The following WDFY2 variants were observed in gnomAD, a reference collection of about 807,000 sequenced individuals.
WDFY2 encodes the protein WD repeat and FYVE domain-containing protein 2.
WDFY2 carries 36 observed loss-of-function variants against 56.4 expected under a neutral mutation model. That is an observed-to-expected ratio of 0.64 (90% confidence interval 0.49 to 0.84). WDFY2 has a LOEUF of 0.84. Among genes scored for constraint, WDFY2 ranks in the 40% least tolerant of loss-of-function variants. The pLI is 0.00. For synonymous variants in WDFY2, 176 were observed against 183.7 expected (o/e 0.96, Z 0.34); for missense variants, 444 against 512.2 (o/e 0.87, Z 1.29).
intron 2 of WDFY2, among the ~76,000 whole-genome samples, chr13:51,670,617 C>G (rs116296731): frequency 6.6e-6 from 1 of 151,964 alleles, no homozygotes; most frequent in Non-Finnish European, 1.5e-5. Context: ...CTAATGCTGT[C>G]TAACTCTGAC....
At chr13:51,686,623 G>A (rs1277492552) in intron 3 of WDFY2, among the ~76,000 whole-genome samples, 9 of 151,928 alleles carry the variant, frequency 5.9e-5, no homozygotes, top group Non-Finnish European at 1.0e-4. Flanking sequence ...ATTTTTGTTT[G>A]AATAATGTTC....
chr13:51,690,185 T>TAC (rs1593415981), intron 3 of WDFY2, among the ~76,000 whole-genome samples: 1 of 2,522 alleles, frequency 4.0e-4, no homozygotes, highest in East Asian at 0.5. Flanking sequence ...TTTAGATCAT[T>TAC]ATATATATAT....
chr13:51,722,381 TTA>T (rs1952510877), intron 5 of WDFY2, among the ~76,000 whole-genome samples: 1 of 152,104 alleles, frequency 6.6e-6, no homozygotes, highest in Non-Finnish European at 1.5e-5. Flanking sequence ...ATAAATTGAA[TTA>T]TCAATTTATG....
chr13:51,676,532 C>T (rs1382512811), intron 3 of WDFY2, among the ~76,000 whole-genome samples: 3 of 152,116 alleles, frequency 2.0e-5, no homozygotes, highest in African/African-American at 7.2e-5. Flanking sequence ...GGAATGTGGG[C>T]CTCCATTTGT....
intron 4 of WDFY2, among the ~76,000 whole-genome samples, chr13:51,711,237 T>G (rs1952208600): frequency 6.6e-6 from 1 of 152,256 alleles, no homozygotes; most frequent in Non-Finnish European, 1.5e-5. Flanking sequence ...GCTAGCCATA[T>G]GTAGAAAACT....
rs149668641 is a variant in WDFY2 at position 51,659,972 on chromosome 13, A to G, written c.138-624A>G. 8.7e-3 allele frequency among the ~76,000 whole-genome samples: 1,324 copies of G among 152,350 alleles called. 21 individuals carry two copies. Among genetic ancestry groups the G allele is most frequent in the African/African-American group, 0.03 (1,263 of 41,574 alleles). On this transcript the variant is annotated intron_variant, in intron 1 of 11. Transcript: ENST00000298125. The stretch of plus-strand genomic sequence containing the variant: ...TGAATGCTTCTAGCCGTCAAGGGCA[A>G]AGGTCAGATGCTTGGAAAGGCAAAA...
At chr13:51,686,292 G>T (rs1956062155) in intron 3 of WDFY2, among the ~76,000 whole-genome samples, 1 of 152,118 alleles carries the variant, frequency 6.6e-6, no homozygotes, top group Non-Finnish European at 1.5e-5. Context: ...TCATGGGGTT[G>T]CTGTGAGGAT....
At chr13:51,692,101 A>G (rs1322180420) in intron 3 of WDFY2, among the ~76,000 whole-genome samples, 4 of 152,150 alleles carry the variant, frequency 2.6e-5, no homozygotes, top group African/African-American at 7.2e-5. Context: ...GGGCTGAGAC[A>G]ATGGGGTTTT....
At chr13:51,645,367 A>C (rs868665104) in intron 1 of WDFY2, among the ~76,000 whole-genome samples, 13 of 152,098 alleles carry the variant, frequency 8.5e-5, no homozygotes, top group Non-Finnish European at 1.3e-4. Context: ...CAAAAATAAC[A>C]ATTGTCCCCT....
At chr13:51,643,267 G>C (rs915166773) in intron 1 of WDFY2, among the ~76,000 whole-genome samples, 4 of 152,072 alleles carry the variant, frequency 2.6e-5, no homozygotes, top group African/African-American at 9.7e-5. Flanking sequence ...AGGATCTGCT[G>C]CATTTTTAAG....
At chr13:51,591,480 T>C (rs576002922) in intron 1 of WDFY2, 41 of 152,352 alleles carry the variant, frequency 2.7e-4, no homozygotes, top group African/African-American at 9.6e-4. Flanking sequence ...TCTAGATTAA[T>C]GCTTTGGAAA....
intron 10 of WDFY2, 29 bp from the exon 11 acceptor site, chr13:51,758,163 C>T (rs751731978): frequency 1.3e-6 from 2 of 1,516,320 alleles, no homozygotes; most frequent in South Asian, 1.2e-5. Context: ...CCACCTTTTC[C>T]CCTCAGAAGC....
At chr13:51,734,372 A>G (rs1170745450) in intron 6 of WDFY2, among the ~76,000 whole-genome samples, 1 of 152,236 alleles carries the variant, frequency 6.6e-6, no homozygotes, top group Non-Finnish European at 1.5e-5. Context: ...AAAAATATTC[A>G]TCTTAGAAAA....
chr13:51,756,262 G>C, intron 9 of WDFY2, 70 bp from the exon 10 acceptor site: 1 of 1,548,918 alleles, frequency 6.5e-7, no homozygotes, highest in Non-Finnish European at 8.7e-7. Flanking sequence ...TCTGCCAGGA[G>C]GGGTGAGATG....
At chr13:51,667,879 CTTTTTTTTTTTTTTT>C (rs66771214) in intron 2 of WDFY2, among the ~76,000 whole-genome samples, 11 of 50,048 alleles carry the variant, frequency 2.2e-4, no homozygotes, top group East Asian at 5.7e-4. Context: ...TGAGGAACTT[CTTTTTTTTTTTTTTT>C]TTTTTTTTTT....
intron 3 of WDFY2, among the ~76,000 whole-genome samples, chr13:51,699,123 C>T (rs1054260356): frequency 6.6e-6 from 1 of 152,220 alleles, no homozygotes; most frequent in African/African-American, 2.4e-5. Flanking sequence ...TTCTGAATTA[C>T]ATGAAGCACA....
chr13:51,695,296 T>C (rs993924554), intron 3 of WDFY2, among the ~76,000 whole-genome samples: 1 of 152,204 alleles, frequency 6.6e-6, no homozygotes, highest in African/African-American at 2.4e-5. Flanking sequence ...CTCTGTTTTT[T>C]CCCCATCTTT....
rs773732419 is a variant in WDFY2 at position 51,687,651 on chromosome 13, A to G, written c.279+12408A>G. On this transcript the variant is annotated intron_variant, in intron 3 of 11. Transcript: ENST00000298125. ...AAGGAGTATTATTTCTTTATTTTTC[A>G]TATTTATTGATTACCTCTCATATAT... Among the ~76,000 whole-genome samples the G allele has an allele frequency of 1.1e-3, 163 of 152,084 alleles. 4 individuals are homozygous for G. Among genetic ancestry groups the G allele is most frequent in the Non-Finnish European group, 3.5e-4 (24 of 67,964 alleles).
At chr13:51,695,675 C>A (rs1281735693) in intron 3 of WDFY2, among the ~76,000 whole-genome samples, 2 of 152,250 alleles carry the variant, frequency 1.3e-5, no homozygotes, top group Non-Finnish European at 2.9e-5. Context: ...GTTCTCAGAT[C>A]TCTAGCTGTG....
Sources: allele counts gnomAD v4.1 joint callset (sites outside exome capture counted in the v4.1 genomes callset), GRCh38; gene constraint gnomAD v4.1.1; transcripts MANE v1.5; gene names NCBI Gene and HGNC (gene_info 2026-07-23, HGNC 2026-07-21).